Variants in TBX22 observed in about 807,000 individuals in gnomAD.
TBX22 encodes the protein T-box transcription factor TBX22.
Under a neutral mutation model 30.1 loss-of-function variants are expected in TBX22, and 8 were observed. The observed-to-expected ratio is 0.27, with a 90% CI of 0.16 to 0.48. TBX22 has a LOEUF of 0.48. Ranked by LOEUF, TBX22 falls within the 20% of genes least tolerant of loss-of-function variation. The pLI is 0.99. For synonymous variants in TBX22, 173 were observed against 149.1 expected (o/e 1.16, Z -1.17); for missense variants, 463 against 400.5 (o/e 1.16, Z -1.33).
intron 8 of TBX22, among the ~76,000 whole-genome samples, chrX:80,029,248 T>C (rs773659359): frequency 2.2e-4 from 25 of 112,126 alleles, no homozygotes; most frequent in Admixed American, 1.1e-3. Context: ...ATACACAAAA[T>C]AGTTAAGAAA....
chrX:80,026,621 C>T (rs1327531012), intron 5 of TBX22, 83 bp from the exon 6 acceptor site: 11 of 992,667 alleles, frequency 1.1e-5, no homozygotes, highest in Non-Finnish European at 1.6e-5. Context: ...TTTGTGTGCA[C>T]ATGGTGGAGG....
chrX:80,015,755 G>A, intron 1 of TBX22, among the ~76,000 whole-genome samples: 1 of 111,646 alleles, frequency 9.0e-6, no homozygotes, highest in Middle Eastern at 4.6e-3. Flanking sequence ...TGGTTGCTTT[G>A]TTTCAGTTCA....
intron 1 of TBX22, 53 bp from the exon 2 acceptor site, chrX:80,022,215 T>C: frequency 8.6e-7 from 1 of 1,162,701 alleles, no homozygotes; most frequent in South Asian, 1.8e-5. Flanking sequence ...CCTCCCTCCC[T>C]AACCCAGTTC....
chrX:80,020,289 T>TTAGATAGATAGATAGATAGATAGATAGA (rs3048745), intron 1 of TBX22, among the ~76,000 whole-genome samples: 49 of 104,661 alleles, frequency 4.7e-4, no homozygotes, highest in African/African-American at 9.6e-4. Flanking sequence ...TAGAGATAGA[T>TTAGATAGATAGATAGATAGATAGATAGA]TAGATAGATA....
In TBX22 at chrX:80,024,176, C is replaced by A; in HGVS notation, c.458+12C>A. The A allele has an allele frequency of 8.4e-7, 1 of 1,191,687 alleles. No individual in the cohort carries two copies. Among genetic ancestry groups the A allele is most frequent in the Non-Finnish European group, 1.1e-6 (1 of 877,852 alleles). On this transcript the variant is annotated intron_variant, in intron 4 of 8. Transcript: ENST00000373296. ...TCCAAACGCTATAGGTAATGGGCCCCATAGAATGGTACTCTATGCCCAGGC... is the reference window on the plus strand; with the variant it reads ...TCCAAACGCTATAGGTAATGGGCCCAATAGAATGGTACTCTATGCCCAGGC...
At chrX:80,020,401 T>A (rs892245045) in intron 1 of TBX22, among the ~76,000 whole-genome samples, 1 of 111,514 alleles carries the variant, frequency 9.0e-6, no homozygotes, top group Non-Finnish European at 1.9e-5. Flanking sequence ...CCCACTTTAA[T>A]GGGTGCGAAA....
chrX:80,023,939 T>C (rs1923844766), intron 3 of TBX22, 124 bp from the exon 4 acceptor site: 1 of 612,018 alleles, frequency 1.6e-6, no homozygotes, highest in African/African-American at 2.2e-5. Context: ...CCTTGCTATT[T>C]TGAAAAGGGA....
chrX:80,017,578 TAC>T (rs1413365852), intron 1 of TBX22, among the ~76,000 whole-genome samples: 1 of 111,443 alleles, frequency 9.0e-6, no homozygotes, highest in Non-Finnish European at 1.9e-5. Context: ...AAGGTGACCA[TAC>T]AATGCCTCTT....
chrX:80,025,606 C>T lies in TBX22; in HGVS notation c.462C>T (p.Tyr154=), dbSNP rs1160653048. 1 of 1,207,258 alleles carries T rather than the reference C, an allele frequency of 8.3e-7. No individual in the cohort carries two copies. The highest frequency in any genetic ancestry group is 1.1e-6 in the Non-Finnish European group (1 of 891,703). ...GCCACAGCATGTGTTTTTTCAGGTA[C>T]GTCTATCACAGCTCACAGTGGATGG... ...VVPVDSKRYR[Y]VYHSSQWMVA... Residue 154 remains tyrosine, a synonymous_variant, in exon 5 of 9, where the codon TAC becomes TAT. Transcript: ENST00000373296.
intron 8 of TBX22, 77 bp downstream of exon 8, chrX:80,028,153 C>T: frequency 1.2e-6 from 1 of 868,530 alleles, no homozygotes; most frequent in Non-Finnish European, 1.7e-6. Context: ...GTACCAAATA[C>T]TACACAAGGG....
chrX:80,025,223 A>G (rs911786429), intron 4 of TBX22, among the ~76,000 whole-genome samples: 1 of 111,526 alleles, frequency 9.0e-6, no homozygotes, highest in East Asian at 2.8e-4. Flanking sequence ...GAGTGGTGAC[A>G]GTGGCCTAGA....
chrX:80,024,248 CTT>C, intron 4 of TBX22, 84 bp downstream of exon 4: 1 of 881,878 alleles, frequency 1.1e-6, no homozygotes, highest in Non-Finnish European at 1.7e-6. Flanking sequence ...GACAGCATGA[CTT>C]TGAAAACTCT....
At chrX:80,029,779 TA>T (rs1339891734) in intron 8 of TBX22, among the ~76,000 whole-genome samples, 1 of 112,576 alleles carries the variant, frequency 8.9e-6, no homozygotes, top group Non-Finnish European at 1.9e-5. Flanking sequence ...TTTAAGGTTT[TA>T]AAATAATAAA....
intron 1 of TBX22, among the ~76,000 whole-genome samples, chrX:80,021,610 T>C (rs1923695498): frequency 8.9e-6 from 1 of 112,554 alleles, no homozygotes; most frequent in South Asian, 3.7e-4. Context: ...AGCTGTAACC[T>C]GTATCTCCCT....
intron 5 of TBX22, 119 bp from the exon 6 acceptor site, chrX:80,026,585 A>G (rs759872612): frequency 3.9e-6 from 3 of 763,319 alleles, no homozygotes; most frequent in Non-Finnish European, 6.0e-6. Context: ...ACAACAAAGT[A>G]GTTACCTAAG....
chrX:80,024,198 A>C (rs772226118), intron 4 of TBX22, 34 bp downstream of exon 4: 19 of 1,150,156 alleles, frequency 1.7e-5, no homozygotes, highest in Non-Finnish European at 2.1e-5. Flanking sequence ...CTCTATGCCC[A>C]GGCTAGGGCC....
intron 1 of TBX22, among the ~76,000 whole-genome samples, chrX:80,019,269 C>A (rs1333341553): frequency 3.7e-5 from 4 of 109,315 alleles, no homozygotes; most frequent in Admixed American, 9.8e-5. Context: ...TTAAAGTGTT[C>A]ATTAGAGTGT....
rs1436380382 is a variant in TBX22, at chrX:80,030,925, C to A, written c.1377C>A (p.Ile459=). ...GAAATATTTTTCTGCCAAACTCCAT[C>A]ACCCCAGAAGCACTTAGTTGCTCCT... ...SPGNIFLPNS[I]TPEALSCSFH... The change falls in exon 9 of 9, where the codon ATC becomes ATA. Residue 459 remains isoleucine (I), a synonymous_variant. Transcript: ENST00000373296. 5.0e-6 allele frequency: 6 copies of A among 1,209,644 alleles called. No homozygotes were observed. The East Asian group carries it at 1.8e-4, about 36-fold the overall frequency.
At chrX:80,022,927 C>G in intron 2 of TBX22, 133 bp from the exon 3 acceptor site, 1 of 637,651 alleles carries the variant, frequency 1.6e-6, no homozygotes, top group Non-Finnish European at 2.5e-6. Context: ...TTATGCGGAG[C>G]TTGGGGAATC....
Sources: gnomAD v4.1 joint callset for allele counts (sites outside exome capture counted in the v4.1 genomes callset) on GRCh38, gnomAD v4.1.1 for gene constraint, MANE v1.5 for transcripts, NCBI Gene and HGNC (gene_info 2026-07-23, HGNC 2026-07-21) for gene names.